Variants in KDM4C observed in about 807,000 individuals in gnomAD.
KDM4C encodes lysine demethylase 4C.
In KDM4C, 81 loss-of-function variants were observed where a neutral mutation model predicts 129.3. The observed-to-expected ratio is 0.63, with a 90% confidence interval of 0.52 to 0.75. The LOEUF (loss-of-function observed/expected upper bound fraction) is 0.75, where lower values mean the gene tolerates loss of function less well. Among genes scored for constraint, KDM4C ranks in the 30% least tolerant of loss-of-function variants. The pLI, the probability that KDM4C is intolerant of heterozygous loss-of-function variation, is 0.00. For missense variants in KDM4C, 1,457 were observed against 1,304.0 expected (o/e 1.12, Z -1.81); for synonymous variants, 573 against 456.1 (o/e 1.26, Z -3.26).
intron 12 of KDM4C, among the ~76,000 whole-genome samples, chr9:6,996,128 T>C (rs1819698956): frequency 2.0e-5 from 3 of 152,204 alleles, no homozygotes; most frequent in African/African-American, 7.2e-5. Flanking sequence ...CTCACCCACT[T>C]TGGTATCTCT....
intron 17 of KDM4C, among the ~76,000 whole-genome samples, chr9:7,061,503 G>A (rs1004102698): frequency 2.6e-5 from 4 of 152,082 alleles, no homozygotes; most frequent in East Asian, 3.9e-4. Flanking sequence ...GGGTTGGGTC[G>A]GATAGTTAAC....
intron 1 of KDM4C, among the ~76,000 whole-genome samples, chr9:6,790,933 T>G (rs562472251): frequency 2.0e-5 from 3 of 152,214 alleles, no homozygotes; most frequent in Non-Finnish European, 4.4e-5. Context: ...TTTCCTACTT[T>G]GATCTCCTAT....
At chr9:7,157,215 C>T (rs1383954898) in intron 19 of KDM4C, among the ~76,000 whole-genome samples, 4 of 152,178 alleles carry the variant, frequency 2.6e-5, no homozygotes, top group Non-Finnish European at 5.9e-5. Context: ...TATCCTGAGA[C>T]TTTGCTGAAG....
intron 18 of KDM4C, among the ~76,000 whole-genome samples, chr9:7,109,134 C>T (rs1376381477): frequency 1.3e-5 from 2 of 152,174 alleles, no homozygotes; most frequent in Non-Finnish European, 2.9e-5. Context: ...GGTCCTGTTT[C>T]CCTAATGGGC....
chr9:6,948,734 G>C (rs1200448606), intron 8 of KDM4C, among the ~76,000 whole-genome samples: 1 of 152,050 alleles, frequency 6.6e-6, no homozygotes, highest in Admixed American at 6.5e-5. Context: ...AGCACATCTT[G>C]CACCGCCCTT....
At chr9:6,720,915 C>T in exon 1 of KDM4C, 1 of 1,545,882 alleles carries the variant, frequency 6.5e-7, no homozygotes, top group Non-Finnish European at 8.8e-7. Context: ...TTGGAGTGTT[C>T]TGCATTCATG....
intron 5 of KDM4C, among the ~76,000 whole-genome samples, chr9:6,868,526 G>A (rs952139141): frequency 2.0e-5 from 3 of 152,102 alleles, no homozygotes; most frequent in African/African-American, 7.2e-5. Flanking sequence ...TATAAAGTGC[G>A]TGGTAGTTAC....
intron 5 of KDM4C, among the ~76,000 whole-genome samples, chr9:6,855,749 T>C (rs1341009467): frequency 2.0e-5 from 3 of 152,212 alleles, no homozygotes; most frequent in African/African-American, 7.2e-5. Context: ...TGTTGAATTA[T>C]ATAATTCAAG....
chr9:6,920,298 T>TA (rs886631120), intron 8 of KDM4C, among the ~76,000 whole-genome samples: 8 of 151,698 alleles, frequency 5.3e-5, no homozygotes, highest in African/African-American at 1.9e-4. Flanking sequence ...AAAAAGAAAA[T>TA]AAAAAAACAG....
At chr9:6,784,259 G>C (rs1034742831) in intron 1 of KDM4C, among the ~76,000 whole-genome samples, 2 of 152,254 alleles carry the variant, frequency 1.3e-5, no homozygotes, top group Admixed American at 6.5e-5. Context: ...AAGTGGAGGA[G>C]GCATGTGGGA....
At chr9:6,882,772 T>TTG (rs3072026) in intron 6 of KDM4C, among the ~76,000 whole-genome samples, 5,529 of 149,666 alleles carry the variant, frequency 0.037, 148 homozygotes, top group African/African-American at 0.075. Flanking sequence ...TTTTAAGCAT[T>TTG]TGTGTGTGTG....
upstream of KDM4C, among the ~76,000 whole-genome samples, chr9:6,756,914 T>C (rs1056997969): frequency 3.3e-5 from 5 of 152,204 alleles, no homozygotes; most frequent in South Asian, 2.1e-4. Flanking sequence ...ATCAGTATAA[T>C]GTAACAGAAA....
rs1319947768 is a variant in KDM4C, at chr9:6,961,715, A to C, written c.922-19210A>C. On this transcript the variant is annotated intron_variant, in intron 8 of 21. Coordinates refer to ENST00000381309, the MANE Select transcript of KDM4C (RefSeq NM_015061.6). Reference sequence around the variant, plus strand: ...AAGGTAAGGGTCTGTGGCCCTGTCAAACAAAAACAAAAATAAAAACATGGT... The same window carrying C: ...AAGGTAAGGGTCTGTGGCCCTGTCACACAAAAACAAAAATAAAAACATGGT... 3.3e-5 allele frequency among the ~76,000 whole-genome samples: 5 copies of C among 151,488 alleles called. No homozygotes were observed. In the South Asian group the frequency reaches 1.0e-3, roughly 31 times the overall value.
intron 18 of KDM4C, among the ~76,000 whole-genome samples, chr9:7,121,006 C>A (rs1839428046): frequency 6.6e-6 from 1 of 152,092 alleles, no homozygotes; most frequent in Non-Finnish European, 1.5e-5. Context: ...CAGAGAAACA[C>A]ATAAAGAAGT....
chr9:6,792,002 A>G (rs1312304374), intron 1 of KDM4C, among the ~76,000 whole-genome samples: 2 of 152,124 alleles, frequency 1.3e-5, no homozygotes, highest in Non-Finnish European at 2.9e-5. Context: ...AGCCTGGGCA[A>G]CAGGAGTAAA....
intron 6 of KDM4C, among the ~76,000 whole-genome samples, chr9:6,886,270 A>T (rs1205412611): frequency 6.6e-6 from 1 of 151,482 alleles, no homozygotes; most frequent in Non-Finnish European, 1.5e-5. Context: ...ATTAAGAGAC[A>T]TTGTAAAGAA....
At chr9:7,077,313 C>T in intron 17 of KDM4C, 5 of 813,102 alleles carry the variant, frequency 6.1e-6, no homozygotes, top group Non-Finnish European at 7.4e-6. Flanking sequence ...TTGCTTTGGA[C>T]ATATAGTTGT....
intron 17 of KDM4C, among the ~76,000 whole-genome samples, chr9:7,050,780 T>A (rs541247192): frequency 5.8e-4 from 88 of 152,288 alleles, no homozygotes; most frequent in African/African-American, 1.9e-3. Flanking sequence ...AGATTTAACG[T>A]TACCCACATC....
Position 7,034,617 on chromosome 9 carries a change from C to T in KDM4C, c.2260-12245C>T, listed in dbSNP as rs547548177. Among the ~76,000 whole-genome samples the T allele has an allele frequency of 2.0e-5, 3 of 152,270 alleles. No homozygotes were observed. The East Asian group carries it at 5.8e-4, about 29-fold the overall frequency. On this transcript the variant is annotated intron_variant, in intron 15 of 21. Coordinates refer to ENST00000381309, the MANE Select transcript of KDM4C (RefSeq NM_015061.6). ...GATTCCATATCTTAGCTATTTTCAA[C>T]AGTGCTACAGTAAACATAGAGGGGG...
Sources: gnomAD v4.1 joint callset for allele counts (sites outside exome capture counted in the v4.1 genomes callset) on GRCh38, gnomAD v4.1.1 for gene constraint, MANE v1.5 for transcripts, NCBI Gene and HGNC (gene_info 2026-07-23, HGNC 2026-07-21) for gene names.